Variants in MARCHF1 observed in about 807,000 individuals in gnomAD.
MARCHF1 encodes the protein E3 ubiquitin-protein ligase MARCHF1.
In MARCHF1, 40 loss-of-function variants were observed where a neutral mutation model predicts 54.2. The observed-to-expected ratio is 0.74, with a 90% CI of 0.57 to 0.96. The LOEUF is 0.96. Among genes scored for constraint, MARCHF1 ranks in the 40% least tolerant of loss-of-function variants. MARCHF1 has a pLI of 0.00. For synonymous variants in MARCHF1, 236 were observed against 236.3 expected, an observed-to-expected ratio of 1.00 and a Z score of 0.01; for missense variants, 586 against 656.5, an observed-to-expected ratio of 0.89 and a Z score of 1.17.
intron 3 of MARCHF1, among the ~76,000 whole-genome samples, chr4:163,936,246 A>C (rs1751792388): frequency 6.6e-6 from 1 of 152,180 alleles, no homozygotes; most frequent in South Asian, 2.1e-4. Flanking sequence ...ATGATGAAAA[A>C]GTTTGAAATA....
intron 2 of MARCHF1, among the ~76,000 whole-genome samples, chr4:164,090,418 G>A (rs1411536662): frequency 6.6e-6 from 1 of 151,900 alleles, no homozygotes; most frequent in East Asian, 1.9e-4. Context: ...TATTGTATTT[G>A]TGATGATTAA....
intron 7 of MARCHF1, among the ~76,000 whole-genome samples, chr4:163,588,770 C>A (rs1740489891): frequency 6.6e-6 from 1 of 152,060 alleles, no homozygotes; most frequent in Admixed American, 6.6e-5. Flanking sequence ...GACCATCTGG[C>A]TGCAGAAACT....
At chr4:164,065,874 T>G (rs13117068) in intron 2 of MARCHF1, among the ~76,000 whole-genome samples, 121,222 of 152,124 alleles carry the variant, frequency 0.8, 48,787 homozygotes, top group Non-Finnish European at 0.85. Context: ...GTGGGAAAAA[T>G]ATAAGAGCCA....
chr4:164,055,851 C>A (rs548722829), intron 2 of MARCHF1, among the ~76,000 whole-genome samples: 1 of 152,192 alleles, frequency 6.6e-6, no homozygotes, highest in Admixed American at 6.5e-5. Context: ...TACCTGAGAT[C>A]TTGAAGATTT....
At chr4:163,756,465 A>T (rs1457889704) in intron 4 of MARCHF1, among the ~76,000 whole-genome samples, 2 of 142,820 alleles carry the variant, frequency 1.4e-5, no homozygotes, top group African/African-American at 5.6e-5. Context: ...TGTCTCTATT[A>T]AAAAAAAAAT....
At position 163,525,552 on chromosome 4, in the gene MARCHF1, C is replaced by A. The variant is rs896173141; in HGVS notation, c.*3196G>T. The stretch of plus-strand genomic sequence containing the variant: ...TTTACTTTTTAAAAAATTGGAATTT[C>A]TTTCTTTTACAATTTAATCTTTACT... On this transcript the variant is annotated 3_prime_UTR_variant, in exon 10 of 10. Coordinates refer to ENST00000514618, the MANE Select transcript of MARCHF1 (RefSeq NM_001394959.1). The A allele has an allele frequency of 6.6e-6, 1 of 151,950 alleles. No individual in the cohort carries two copies. The highest frequency in any genetic ancestry group is 6.6e-5 in the Admixed American group (1 of 15,236). 9.4% of individuals were successfully genotyped at this position (151,950 alleles called of 1,614,324 possible). A position where few individuals can be genotyped will look rare whatever the true frequency, so the allele number is the denominator to read the frequency against.
At chr4:163,582,821 C>T (rs1362289258) in intron 8 of MARCHF1, among the ~76,000 whole-genome samples, 2 of 151,314 alleles carry the variant, frequency 1.3e-5, no homozygotes, top group Admixed American at 1.3e-4. Flanking sequence ...CCAACTAGAA[C>T]AGTTTTAAAA....
intron 1 of MARCHF1, among the ~76,000 whole-genome samples, chr4:164,131,785 G>A (rs1348687040): frequency 1.3e-5 from 2 of 152,040 alleles, no homozygotes; most frequent in African/African-American, 4.8e-5. Context: ...TAACGCCTGA[G>A]AAGTTTTCAG....
chr4:164,072,159 C>T lies in MARCHF1; in HGVS notation c.-248+39429G>A, dbSNP rs527527162. 1.2e-4 allele frequency among the ~76,000 whole-genome samples: 18 copies of T among 152,236 alleles called. No individual in the cohort carries two copies. In the East Asian group the frequency reaches 3.1e-3, roughly 26 times the overall value. Reference sequence around the variant, plus strand: ...GCCATTTGATATATCAAAGGATATACGCAGTGAGAGTAACACAGAAACTGC... The same window carrying T: ...GCCATTTGATATATCAAAGGATATATGCAGTGAGAGTAACACAGAAACTGC... On this transcript the variant is annotated intron_variant, in intron 2 of 9. Transcript: ENST00000514618.
intron 2 of MARCHF1, among the ~76,000 whole-genome samples, chr4:164,083,799 C>T (rs1755145466): frequency 6.6e-6 from 1 of 151,970 alleles, no homozygotes; most frequent in Non-Finnish European, 1.5e-5. Context: ...AAGAATAAAC[C>T]TAAATTGACT....
intron 8 of MARCHF1, among the ~76,000 whole-genome samples, chr4:163,550,156 A>C (rs753984282): frequency 6.6e-6 from 1 of 151,820 alleles, no homozygotes; most frequent in Non-Finnish European, 1.5e-5. Context: ...GCGGCGGGCG[A>C]CTGTAGTCCC....
chr4:163,822,883 T>C (rs553870875), intron 4 of MARCHF1, among the ~76,000 whole-genome samples: 1 of 151,980 alleles, frequency 6.6e-6, no homozygotes, highest in South Asian at 2.1e-4. Context: ...TTAGGTGATT[T>C]GTAGCACTCT....
chr4:164,268,155 T>G (rs543285692), intron 1 of MARCHF1, among the ~76,000 whole-genome samples: 20 of 152,272 alleles, frequency 1.3e-4, no homozygotes, highest in Non-Finnish European at 2.4e-4. Flanking sequence ...TTAAATATTT[T>G]TATTATTAGA....
chr4:163,891,595 T>C (rs887120301), intron 3 of MARCHF1, among the ~76,000 whole-genome samples: 8 of 152,012 alleles, frequency 5.3e-5, no homozygotes, highest in Admixed American at 3.3e-4. Context: ...CCATTGCACA[T>C]AGAAAAAGGA....
intron 9 of MARCHF1, among the ~76,000 whole-genome samples, chr4:163,535,753 CT>C (rs34118311): frequency 0.49 from 71,214 of 144,052 alleles, 17,600 homozygotes; most frequent in Admixed American, 0.63. Context: ...TATAGAAGGG[CT>C]TTTTTTTTTT....
At chr4:163,904,166 C>T (rs1751005554) in intron 3 of MARCHF1, among the ~76,000 whole-genome samples, 1 of 152,058 alleles carries the variant, frequency 6.6e-6, no homozygotes, top group Non-Finnish European at 1.5e-5. Flanking sequence ...AAAAATATAG[C>T]TTTGAGGCAA....
chr4:164,074,189 A>G (rs1754927143), intron 2 of MARCHF1, among the ~76,000 whole-genome samples: 1 of 152,204 alleles, frequency 6.6e-6, no homozygotes, highest in Non-Finnish European at 1.5e-5. Context: ...CATGCCAATA[A>G]CCTGTAATCA....
chr4:164,041,636 C>T (rs1754131285), intron 2 of MARCHF1, among the ~76,000 whole-genome samples: 1 of 152,024 alleles, frequency 6.6e-6, no homozygotes, highest in African/African-American at 2.4e-5. Context: ...AGTTGTAGTC[C>T]TTAATGTGTG....
chr4:163,721,097 G>C (rs925580537), intron 4 of MARCHF1, among the ~76,000 whole-genome samples: 1 of 152,260 alleles, frequency 6.6e-6, no homozygotes, highest in East Asian at 1.9e-4. Flanking sequence ...GGGCATCCCT[G>C]TATTGTGCCG....
Sources: allele counts gnomAD v4.1 joint callset (sites outside exome capture counted in the v4.1 genomes callset), GRCh38; gene constraint gnomAD v4.1.1; transcripts MANE v1.5; gene names NCBI Gene and HGNC (gene_info 2026-07-23, HGNC 2026-07-21).